Variants in XRCC5 observed in about 807,000 individuals in gnomAD.
XRCC5 encodes DNA repair protein Ku80.
A neutral mutation model predicts 95.7 loss-of-function variants in XRCC5; 12 were observed. The observed-to-expected ratio is 0.13, with a 90% CI of 0.08 to 0.20. XRCC5 has a LOEUF of 0.20. Ranked by LOEUF, XRCC5 falls within the 10% of genes least tolerant of loss-of-function variation. XRCC5 has a pLI of 1.00. For missense variants in XRCC5, 595 were observed against 873.9 expected (o/e 0.68, Z 4.02); for synonymous variants, 281 against 290.3 (o/e 0.97, Z 0.33).
At position 216,194,818 on chromosome 2, in the gene XRCC5, G is replaced by A; in HGVS notation, c.2042-101G>A. The A allele has an allele frequency of 2.7e-6, 3 of 1,124,894 alleles. No homozygotes were observed. In the South Asian group the frequency reaches 3.9e-5, roughly 15 times the overall value. The allele number at this position is 1,124,894 out of a possible 1,614,324, so 69.7% of individuals were successfully genotyped here. On this transcript the variant is annotated intron_variant, in intron 18 of 20. Transcript: ENST00000392132. ...GGACCCTGTCTCTATTTAAAAAAAA[G>A]AAATCTTCAGCTCAAAGGTGGGAGG... is the stretch of plus-strand genomic sequence containing the variant.
chr2:216,148,279 A>G lies in XRCC5; in HGVS notation c.1670+3A>G. ...GCTCAGGAAATTTTCCAAGACAAGT[A>G]AGTACTTGGTATAGTTGCATTTAAC... On this transcript the variant is annotated splice_donor_region_variant and intron_variant, in intron 14 of 20. Coordinates refer to ENST00000392132, the MANE Select transcript of XRCC5 (RefSeq NM_021141.4). The G allele has an allele frequency of 6.2e-7, 1 of 1,609,194 alleles. No homozygotes were observed. Among genetic ancestry groups the G allele is most frequent in the Non-Finnish European group, 8.5e-7 (1 of 1,178,606 alleles).
chr2:216,193,845 G>GT (rs1329920977), intron 18 of XRCC5, among the ~76,000 whole-genome samples: 1 of 152,174 alleles, frequency 6.6e-6, no homozygotes, highest in African/African-American at 2.4e-5. Context: ...TTTTTGAACA[G>GT]TTTATCAGGT....
At chr2:216,204,241 G>A (rs1689900163) in intron 19 of XRCC5, 81 bp from the exon 20 acceptor site, 3 of 1,535,086 alleles carry the variant, frequency 2.0e-6, no homozygotes, top group Non-Finnish European at 2.7e-6. Flanking sequence ...AGGTTTTGCT[G>A]TGGCAATGCT....
chr2:216,131,163 C>G, intron 9 of XRCC5, 176 bp downstream of exon 9: 12 of 985,142 alleles, frequency 1.2e-5, no homozygotes, highest in Non-Finnish European at 1.4e-5. Context: ...AACTGAGGTT[C>G]AGAGCCGTTA....
At chr2:216,137,578 TCTTGA>T (rs933761483) in intron 11 of XRCC5, among the ~76,000 whole-genome samples, 2 of 152,220 alleles carry the variant, frequency 1.3e-5, no homozygotes, top group Admixed American at 1.3e-4. Flanking sequence ...TTCTCATCCT[TCTTGA>T]CTTATTGGAA....
At chr2:216,151,177 G>T (rs1242272934) in intron 14 of XRCC5, among the ~76,000 whole-genome samples, 1 of 152,186 alleles carries the variant, frequency 6.6e-6, no homozygotes, top group African/African-American at 2.4e-5. Context: ...CCTAGTGTTA[G>T]AAGTGATTTC....
At chr2:216,180,846 G>T (rs1489549353) in intron 16 of XRCC5, among the ~76,000 whole-genome samples, 12 of 145,876 alleles carry the variant, frequency 8.2e-5, no homozygotes, top group African/African-American at 1.3e-4. Context: ...GAGTTTCGCT[G>T]TCGTTGCCCG....
chr2:216,137,371 A>AAC, intron 11 of XRCC5, 146 bp downstream of exon 11: 1 of 933,432 alleles, frequency 1.1e-6, no homozygotes, highest in Non-Finnish European at 1.5e-6. Context: ...CAGGGCCCAG[A>AAC]TTCTCTGTTT....
At chr2:216,110,830 G>C (rs986477582) in intron 1 of XRCC5, among the ~76,000 whole-genome samples, 2 of 151,946 alleles carry the variant, frequency 1.3e-5, no homozygotes, top group African/African-American at 4.8e-5. Context: ...CATGCCCCAG[G>C]CATTGAAACT....
intron 16 of XRCC5, among the ~76,000 whole-genome samples, chr2:216,165,915 G>C (rs1037587122): frequency 6.6e-6 from 1 of 152,054 alleles, no homozygotes; most frequent in Non-Finnish European, 1.5e-5. Context: ...TCTATATATA[G>C]TAGGCAGCTA....
At chr2:216,118,451 A>G (rs1696742201) in intron 4 of XRCC5, among the ~76,000 whole-genome samples, 1 of 152,352 alleles carries the variant, frequency 6.6e-6, no homozygotes, top group East Asian at 1.9e-4. Flanking sequence ...TGTTAGGATT[A>G]CAGGCATGAA....
In XRCC5 at chr2:216,148,126, C is replaced by G. The variant is rs569794900; in HGVS notation, c.1520C>G (p.Pro507Arg). 6.2e-7 allele frequency: 1 copy of G among 1,613,834 alleles called. No individual in the cohort carries two copies. Among genetic ancestry groups the G allele is most frequent in the Admixed American group, 1.7e-5 (1 of 59,946 alleles). ...RALHPREPLP[P>R]IQQHIWNMLN... ...TTACATCCCCGGGAGCCTCTACCCC[C>G]AATTCAGCAGCATATTTGGAATATG... The change falls in exon 14 of 21, where the codon CCA (proline) becomes CGA (arginine). Residue 507 changes from proline (P) to arginine (R), a missense_variant. By Grantham distance (103) the Pro-to-Arg change is moderately radical (BLOSUM62 -2). Coordinates refer to ENST00000392132, the MANE Select transcript of XRCC5 (RefSeq NM_021141.4).
intron 19 of XRCC5, among the ~76,000 whole-genome samples, chr2:216,195,695 A>T (rs918814663): frequency 6.6e-6 from 1 of 152,212 alleles, no homozygotes; most frequent in Admixed American, 6.5e-5. Context: ...AATCTGATTC[A>T]GCCATGAGTC....
intron 16 of XRCC5, among the ~76,000 whole-genome samples, chr2:216,181,650 G>A (rs1689390226): frequency 6.6e-6 from 1 of 152,206 alleles, no homozygotes; most frequent in Non-Finnish European, 1.5e-5. Context: ...ATTGTAGTAT[G>A]ACTCATTAGA....
chr2:216,200,845 C>A (rs1369939075), intron 19 of XRCC5, among the ~76,000 whole-genome samples: 1 of 152,170 alleles, frequency 6.6e-6, no homozygotes, highest in African/African-American at 2.4e-5. Flanking sequence ...ACAATTTATT[C>A]ATCCATTCTC....
chr2:216,143,171 G>C (rs1697198349), intron 13 of XRCC5, among the ~76,000 whole-genome samples: 1 of 152,224 alleles, frequency 6.6e-6, no homozygotes, highest in Admixed American at 6.5e-5. Context: ...GAGTTCTACT[G>C]AATGAGTATC....
chr2:216,200,615 C>T (rs1689818146), intron 19 of XRCC5, among the ~76,000 whole-genome samples: 1 of 152,130 alleles, frequency 6.6e-6, no homozygotes, highest in South Asian at 2.1e-4. Context: ...CCTGGGTGCT[C>T]ACCACCCAGA....
chr2:216,203,740 TCAAA>T (rs1689888470), intron 19 of XRCC5, among the ~76,000 whole-genome samples: 1 of 151,916 alleles, frequency 6.6e-6, no homozygotes, highest in Non-Finnish European at 1.5e-5. Context: ...ATAAAAGGAA[TCAAA>T]CAACCTTCCA....
chr2:216,198,609 G>A (rs1574436884), intron 19 of XRCC5, among the ~76,000 whole-genome samples: 1 of 152,022 alleles, frequency 6.6e-6, no homozygotes, highest in Non-Finnish European at 1.5e-5. Context: ...AAGCTGGAGT[G>A]TAGTGGCACG....
Sources: allele counts gnomAD v4.1 joint callset (sites outside exome capture counted in the v4.1 genomes callset), GRCh38; gene constraint gnomAD v4.1.1; transcripts MANE v1.5; gene names NCBI Gene and HGNC (gene_info 2026-07-23, HGNC 2026-07-21).